COL28A1: variants seen among roughly 807,000 people sequenced by gnomAD.
The protein encoded by COL28A1 is collagen alpha-1(XXVIII) chain.
A neutral mutation model predicts 150.2 loss-of-function variants in COL28A1; 161 were observed. The observed-to-expected ratio is 1.07, with a 90% CI of 0.94 to 1.22. The LOEUF is 1.22. Among genes scored for constraint, COL28A1 ranks in the 50% most tolerant of loss-of-function variants. The pLI is 0.00. For synonymous variants in COL28A1, 552 were observed against 469.7 expected (o/e 1.18, Z -2.26); for missense variants, 1,617 against 1,388.3 (o/e 1.16, Z -2.62).
intron 25 of COL28A1, among the ~76,000 whole-genome samples, chr7:7,430,040 A>T (rs934064513): frequency 1.3e-5 from 2 of 152,184 alleles, no homozygotes; most frequent in African/African-American, 4.8e-5. Context: ...CTTTTGGAGG[A>T]AAATGGCATA....
chr7:7,456,095 C>A lies in COL28A1; in HGVS notation c.1320G>T (p.Val440=). Residue 440 remains valine (V), a synonymous_variant, in exon 16 of 35, where the codon GTG becomes GTT. Coordinates refer to ENST00000399429, the MANE Select transcript of COL28A1 (RefSeq NM_001037763.3). ...GGATACCCATTGGTCCTTGGGGTCC[C>A]ACAGGTCCTATATCCCCCTGCACAG... ...IKGEKGDIGP[V]GPQGPMGIPG... 6.2e-7 allele frequency: 1 copy of A among 1,613,694 alleles called. No individual in the cohort carries two copies. The highest frequency in any genetic ancestry group is 8.5e-7 in the Non-Finnish European group (1 of 1,179,792).
downstream of COL28A1, among the ~76,000 whole-genome samples, chr7:7,351,357 A>G (rs1780226823): frequency 6.6e-6 from 1 of 152,216 alleles, no homozygotes; most frequent in Non-Finnish European, 1.5e-5. Context: ...GTAGGAGGCC[A>G]GAAGCCACAG....
At chr7:7,472,126 C>A (rs1788484747) in intron 15 of COL28A1, among the ~76,000 whole-genome samples, 1 of 152,100 alleles carries the variant, frequency 6.6e-6, no homozygotes, top group Admixed American at 6.6e-5. Flanking sequence ...CAAGGATGCC[C>A]ACTCTCACCA....
At chr7:7,463,443 G>A (rs552465368) in intron 15 of COL28A1, among the ~76,000 whole-genome samples, 26 of 152,190 alleles carry the variant, frequency 1.7e-4, no homozygotes, top group African/African-American at 6.3e-4. Context: ...AACCTATAAA[G>A]GAAAACCTAT....
chr7:7,422,129 CAT>C (rs1784412606), intron 25 of COL28A1, among the ~76,000 whole-genome samples: 3 of 152,188 alleles, frequency 2.0e-5, no homozygotes, highest in Admixed American at 2.0e-4. Context: ...CTTAAAAGGA[CAT>C]GTCTTTTCTC....
In COL28A1 at chr7:7,489,315, T is replaced by C. The variant is rs1246291485; in HGVS notation, c.1164+74A>G. 4 of 838,930 alleles carry C rather than the reference T, an allele frequency of 4.8e-6. No individual in the cohort carries two copies. In the African/African-American group the frequency reaches 5.0e-5, roughly 10 times the overall value. 52.0% of individuals were successfully genotyped at this position (838,930 alleles called of 1,614,324 possible). On this transcript the variant is annotated intron_variant, in intron 13 of 34. Coordinates refer to ENST00000399429, the MANE Select transcript of COL28A1 (RefSeq NM_001037763.3). Reference sequence around the variant, plus strand: ...GATACAAGGTGGATTAATCTGACCATTTATCCTAAACAGAAAGAACAAGTA... The same window carrying C: ...GATACAAGGTGGATTAATCTGACCACTTATCCTAAACAGAAAGAACAAGTA...
chr7:7,472,640 C>T (rs935397699), intron 15 of COL28A1, among the ~76,000 whole-genome samples: 3 of 152,130 alleles, frequency 2.0e-5, no homozygotes, highest in African/African-American at 7.2e-5. Context: ...ATCAGAATAC[C>T]ATCATCATTC....
At chr7:7,356,368 G>C (rs1780355936), downstream of COL28A1, 1 of 152,164 alleles carries the variant, frequency 6.6e-6, no homozygotes. Flanking sequence ...TAGAGAGCTG[G>C]GATGGCGGAG....
chr7:7,515,933 A>T, intron 7 of COL28A1, 93 bp from the exon 8 acceptor site: 1 of 738,924 alleles, frequency 1.4e-6, no homozygotes, highest in Non-Finnish European at 2.4e-6. Context: ...GGTATAACAA[A>T]AACACATCTA....
Position 7,423,838 on chromosome 7 carries a change from T to C in COL28A1, c.1999-3885A>G, listed in dbSNP as rs1189313255. On this transcript the variant is annotated intron_variant, in intron 25 of 34. Transcript: ENST00000399429. ...TTCTCTCCTTCACAGTCTCCCTTAT[T>C]CACGTCCCCCTAACCCTCAACCTTT... Among the ~76,000 whole-genome samples, 4 of 152,182 alleles carry C rather than the reference T, an allele frequency of 2.6e-5. No individual in the cohort carries two copies. The East Asian group carries it at 7.7e-4, about 29-fold the overall frequency.
chr7:7,459,081 T>C (rs1787392899), intron 15 of COL28A1, among the ~76,000 whole-genome samples: 2 of 152,194 alleles, frequency 1.3e-5, no homozygotes, highest in Non-Finnish European at 1.5e-5. Context: ...GAAGATGGTA[T>C]TGAGGGAACA....
At position 7,455,972 on chromosome 7, in the gene COL28A1, T is replaced by G; in HGVS notation, c.1371+72A>C. On this transcript the variant is annotated intron_variant, in intron 16 of 34. Coordinates refer to ENST00000399429, the MANE Select transcript of COL28A1 (RefSeq NM_001037763.3). ...ATATACTCATAGATGTTTGCAGGAC[T>G]GGCCTTCAATGAAGACCAGGATTGG... 2.5e-6 allele frequency: 4 copies of G among 1,600,270 alleles called. No individual in the cohort carries two copies. In the South Asian group the frequency reaches 4.5e-5, roughly 18 times the overall value.
intron 13 of COL28A1, among the ~76,000 whole-genome samples, chr7:7,487,673 A>G (rs1319746299): frequency 6.6e-6 from 1 of 152,244 alleles, no homozygotes; most frequent in African/African-American, 2.4e-5. Context: ...TTAATTTTAT[A>G]GAAGTTAAAA....
At chr7:7,486,450 G>A (rs191966060) in intron 13 of COL28A1, among the ~76,000 whole-genome samples, 14 of 152,018 alleles carry the variant, frequency 9.2e-5, no homozygotes, top group East Asian at 5.8e-4. Flanking sequence ...TTGTCTTATC[G>A]TGCTGGCTGG....
At chr7:7,358,931 G>T in intron 34 of COL28A1, 126 bp from the exon 35 acceptor site, 2 of 709,624 alleles carry the variant, frequency 2.8e-6, no homozygotes, top group Non-Finnish European at 2.1e-6. Flanking sequence ...AAGAAAATAT[G>T]GTTCTAAGTA....
At chr7:7,465,184 A>G (rs1787966182) in intron 15 of COL28A1, among the ~76,000 whole-genome samples, 1 of 151,904 alleles carries the variant, frequency 6.6e-6, no homozygotes, top group African/African-American at 2.4e-5. Context: ...CTGCATTTCC[A>G]TCTGAGGTAC....
chr7:7,488,659 G>A (rs17168215), intron 13 of COL28A1, among the ~76,000 whole-genome samples: 14,867 of 152,152 alleles, frequency 0.098, 901 homozygotes, highest in Middle Eastern at 0.21. Context: ...TGTGAATAAC[G>A]CAGGTATTAT....
intron 5 of COL28A1, among the ~76,000 whole-genome samples, 190 bp downstream of exon 5, chr7:7,521,715 C>T (rs1781734765): frequency 6.6e-6 from 1 of 152,180 alleles, no homozygotes; most frequent in African/African-American, 2.4e-5. Flanking sequence ...TCAGTAAAAT[C>T]CCAGGCTTAT....
At chr7:7,464,929 T>C (rs140751243) in intron 15 of COL28A1, among the ~76,000 whole-genome samples, 25 of 152,192 alleles carry the variant, frequency 1.6e-4, no homozygotes, top group Non-Finnish European at 2.8e-4. Flanking sequence ...AAAATCCAAA[T>C]AAGTTCAATT....
Sources: allele counts gnomAD v4.1 joint callset (sites outside exome capture counted in the v4.1 genomes callset), GRCh38; gene constraint gnomAD v4.1.1; transcripts MANE v1.5; gene names NCBI Gene and HGNC (gene_info 2026-07-23, HGNC 2026-07-21).